EPC1: variants seen among roughly 807,000 people sequenced by gnomAD.
The protein encoded by EPC1 is enhancer of polycomb 1, also known as enhancer of polycomb homolog 1.
A neutral mutation model predicts 98.4 loss-of-function variants in EPC1; 12 were observed. The observed-to-expected ratio is 0.12, with a 90% CI of 0.08 to 0.20. The LOEUF (loss-of-function observed/expected upper bound fraction) is 0.20. Ranked by LOEUF, EPC1 falls within the 10% of genes least tolerant of loss-of-function variation. EPC1 has a pLI of 1.00. For synonymous variants in EPC1, 357 were observed against 363.9 expected (o/e 0.98, Z 0.21); for missense variants, 729 against 990.5 (o/e 0.74, Z 3.54).
In EPC1 at chr10:32,272,305, T is replaced by G. The variant is rs570602877; in HGVS notation, c.1864-138A>C. ...CTGAAATCTTTCTATTTTGGTACCTTGAGATGCAACAGTAATTATATCTCT... is the reference window on the plus strand; with the variant it reads ...CTGAAATCTTTCTATTTTGGTACCTGGAGATGCAACAGTAATTATATCTCT... On this transcript the variant is annotated intron_variant, in intron 11 of 13. Transcript: ENST00000319778. 6 of 638,092 alleles carry G rather than the reference T, an allele frequency of 9.4e-6. No homozygotes were observed. In the East Asian group the frequency reaches 1.1e-4, roughly 12 times the overall value. The allele number at this position is 638,092 out of a possible 1,614,324, so 39.5% of individuals were successfully genotyped here. A position where few individuals can be genotyped will look rare whatever the true frequency, so the allele number is the denominator to read the frequency against.
intron 1 of EPC1, among the ~76,000 whole-genome samples, chr10:32,308,091 A>T (rs915317557): frequency 2.0e-5 from 3 of 152,198 alleles, no homozygotes; most frequent in African/African-American, 7.2e-5. Context: ...TTGAGAACAG[A>T]ATATGCCAAT....
chr10:32,369,409 TA>T (rs1444626544), intron 1 of EPC1, among the ~76,000 whole-genome samples: 3 of 152,076 alleles, frequency 2.0e-5, no homozygotes, highest in Non-Finnish European at 4.4e-5. Context: ...TTTTTTAAAA[TA>T]AAAAATACAG....
chr10:32,334,769 G>A (rs1440682132), intron 1 of EPC1, among the ~76,000 whole-genome samples: 2 of 152,042 alleles, frequency 1.3e-5, no homozygotes, highest in African/African-American at 4.8e-5. Context: ...TGTAAGGTGG[G>A]GTTTATGTCA....
intron 1 of EPC1, among the ~76,000 whole-genome samples, chr10:32,320,737 G>C (rs1260763109): frequency 6.6e-6 from 1 of 152,088 alleles, no homozygotes; most frequent in African/African-American, 2.4e-5. Context: ...TTGGATTACA[G>C]GCATGCACCA....
intron 2 of EPC1, among the ~76,000 whole-genome samples, chr10:32,294,603 C>T (rs1419431810): frequency 6.6e-6 from 1 of 152,168 alleles, no homozygotes; most frequent in Admixed American, 6.5e-5. Flanking sequence ...AAGTTTGTTT[C>T]TCTACGCGAA....
intron 1 of EPC1, among the ~76,000 whole-genome samples, chr10:32,372,406 C>T (rs184920382): frequency 6.6e-5 from 10 of 152,256 alleles, no homozygotes; most frequent in East Asian, 5.8e-4. Context: ...TTACATATTG[C>T]GAAATGGATG....
intron 1 of EPC1, among the ~76,000 whole-genome samples, chr10:32,327,213 CAT>C (rs1837348534): frequency 6.6e-6 from 1 of 152,102 alleles, no homozygotes; most frequent in Non-Finnish European, 1.5e-5. Flanking sequence ...ATAAATATCA[CAT>C]GATCTCATTC....
At chr10:32,319,677 T>C (rs971648295) in intron 1 of EPC1, among the ~76,000 whole-genome samples, 1 of 152,128 alleles carries the variant, frequency 6.6e-6, no homozygotes, top group Non-Finnish European at 1.5e-5. Flanking sequence ...TATGAAAAGA[T>C]GTATATTTTT....
intron 1 of EPC1, among the ~76,000 whole-genome samples, chr10:32,324,217 G>C (rs1199250782): frequency 6.6e-6 from 1 of 151,698 alleles, no homozygotes; most frequent in Non-Finnish European, 1.5e-5. Flanking sequence ...GATTACAGGC[G>C]TGAGCCACTG....
chr10:32,292,710 C>A, intron 4 of EPC1, 66 bp from the exon 5 acceptor site: 7 of 1,442,746 alleles, frequency 4.9e-6, no homozygotes, highest in Middle Eastern at 2.2e-4. Context: ...AGTTATTGAC[C>A]CATAAAATTT....
At chr10:32,376,018 A>T (rs1315366749) in intron 1 of EPC1, among the ~76,000 whole-genome samples, 2 of 152,048 alleles carry the variant, frequency 1.3e-5, no homozygotes, top group Non-Finnish European at 2.9e-5. Context: ...CTCAAGGTGG[A>T]TTTTAAAATG....
At chr10:32,362,635 C>T (rs549305434) in intron 1 of EPC1, among the ~76,000 whole-genome samples, 2 of 152,252 alleles carry the variant, frequency 1.3e-5, no homozygotes, top group East Asian at 1.9e-4. Context: ...TTATAAATTA[C>T]GCAGTCTCAG....
rs190507401 is a variant in EPC1 at position 32,275,636 on chromosome 10, G to A, written c.1745-2355C>T. Among the ~76,000 whole-genome samples the A allele has an allele frequency of 6.9e-3, 1,044 of 152,000 alleles. 18 individuals are homozygous for A. The highest frequency in any genetic ancestry group is 0.024 in the African/African-American group (1,007 of 41,464). On this transcript the variant is annotated intron_variant, in intron 10 of 13. Coordinates refer to ENST00000319778, the MANE Select transcript of EPC1 (RefSeq NM_001272004.3). ...AAAACAAAAAAAAAATTAGCCGGGC[G>A]TGGTGGCACGTGCCTGTAGTCCCAG...
rs576438106 is a variant in EPC1 at position 32,273,213 on chromosome 10, G to C, written c.1813C>G (p.Gln605Glu). The C allele has an allele frequency of 1.2e-6, 2 of 1,613,942 alleles. No individual in the cohort carries two copies. Among genetic ancestry groups the C allele is most frequent in the Non-Finnish European group, 1.7e-6 (2 of 1,179,908 alleles). Residue 605 changes from glutamine to glutamate, a missense_variant, in exon 11 of 14, where the codon CAA becomes GAA. Transcript: ENST00000319778. ...LALMQKQQLA[Q>E]IQQQQANSNS... ...CTATTTGCTTGCTGTTGCTGAATTT[G>C]TGCAAGCTGCTGTTTCTGCATGAGT... is the stretch of plus-strand genomic sequence containing the variant.
rs570767119 is a variant in EPC1 at position 32,268,934 on chromosome 10, C to T, written c.*129G>A. 2 of 703,290 alleles carry T rather than the reference C, an allele frequency of 2.8e-6. No homozygotes were observed. Among genetic ancestry groups the T allele is most frequent in the Non-Finnish European group, 4.9e-6 (2 of 410,942 alleles). 43.6% of individuals were successfully genotyped at this position (703,290 alleles called of 1,614,324 possible). On this transcript the variant is annotated 3_prime_UTR_variant, in exon 14 of 14. Transcript: ENST00000319778. ...GAAAAATTGAAGCATGAGAGATGAG[C>T]ATTGCTGTCAAGTCCCCACAGCTGC...
intron 1 of EPC1, 57 bp downstream of exon 1, chr10:32,346,706 G>C: frequency 6.6e-7 from 1 of 1,519,822 alleles, no homozygotes; most frequent in South Asian, 1.1e-5. Context: ...CGCCGCCGCC[G>C]CAGGCAGCAG....
Position 32,327,876 on chromosome 10 carries a change from G to A in EPC1, c.153+18887C>T, listed in dbSNP as rs148236962. On this transcript the variant is annotated intron_variant, in intron 1 of 13. Coordinates refer to ENST00000319778, the MANE Select transcript of EPC1 (RefSeq NM_001272004.3). ...ATGTCTGTGATCTGTTGACTGAAAC[G>A]TCACTATGCAGAACATAAATGTATG... 1.8e-3 allele frequency among the ~76,000 whole-genome samples: 276 copies of A among 152,292 alleles called. 1 individual carries two copies. Among genetic ancestry groups the A allele is most frequent in the African/African-American group, 6.4e-3 (267 of 41,570 alleles).
intron 1 of EPC1, among the ~76,000 whole-genome samples, chr10:32,366,192 T>C (rs1839599556): frequency 6.6e-6 from 1 of 152,210 alleles, no homozygotes; most frequent in Non-Finnish European, 1.5e-5. Flanking sequence ...AACATGTTTA[T>C]GTTTCATATG....
chr10:32,306,060 C>T lies in EPC1; in HGVS notation c.154-129G>A, dbSNP rs575492384. The T allele has an allele frequency of 2.2e-3, 1,765 of 804,662 alleles. 2 individuals are homozygous for T. The highest frequency in any genetic ancestry group is 2.9e-3 in the Non-Finnish European group (1,606 of 554,042). 49.8% of individuals were successfully genotyped at this position (804,662 alleles called of 1,614,324 possible). A position where few individuals can be genotyped will look rare whatever the true frequency, so the allele number is the denominator to read the frequency against. Reference sequence around the variant, plus strand: ...AGATTCTAGTAGTAGATCTTAAAAGCATGTTGTTAACACGATACAACTAGT... The same window carrying T: ...AGATTCTAGTAGTAGATCTTAAAAGTATGTTGTTAACACGATACAACTAGT... On this transcript the variant is annotated intron_variant, in intron 1 of 13. Coordinates refer to ENST00000319778, the MANE Select transcript of EPC1 (RefSeq NM_001272004.3).
Sources: gnomAD v4.1 joint callset for allele counts (sites outside exome capture counted in the v4.1 genomes callset) on GRCh38, gnomAD v4.1.1 for gene constraint, MANE v1.5 for transcripts, NCBI Gene and HGNC (gene_info 2026-07-23, HGNC 2026-07-21) for gene names.